Variants in MACROD2 observed in about 807,000 individuals in gnomAD.
MACROD2 encodes the protein mono-ADP ribosylhydrolase 2, also known as ADP-ribose glycohydrolase MACROD2.
MACROD2 carries 36 observed loss-of-function variants against 70.4 expected under a neutral mutation model. The ratio of observed to expected loss-of-function variants is 0.51; its 90% confidence interval spans 0.39 to 0.68. MACROD2 has a LOEUF of 0.68. MACROD2 is among the 30% of genes least tolerant of loss of function. MACROD2 has a pLI of 0.00. For missense variants in MACROD2, 496 were observed against 538.4 expected, an observed-to-expected ratio of 0.92 and a Z score of 0.78; for synonymous variants, 172 against 178.8, an observed-to-expected ratio of 0.96 and a Z score of 0.30.
chr20:15,555,828 C>CAAAAAAAAAAAAAAAAAAAAA (rs397838341), intron 8 of MACROD2, among the ~76,000 whole-genome samples: 1 of 18,564 alleles, frequency 5.4e-5, no homozygotes, highest in African/African-American at 1.7e-4. Context: ...GACTCCATCT[C>CAAAAAAAAAAAAAAAAAAAAA]AAAAAAAAAA....
intron 10 of MACROD2, among the ~76,000 whole-genome samples, chr20:15,895,646 G>A (rs1341732557): frequency 2.6e-5 from 4 of 152,160 alleles, no homozygotes; most frequent in African/African-American, 4.8e-5. Context: ...GCCTGGTGGC[G>A]GCAGCCTGGG....
chr20:15,923,374 A>G (rs1165039148), intron 10 of MACROD2, among the ~76,000 whole-genome samples: 2 of 152,178 alleles, frequency 1.3e-5, no homozygotes, highest in African/African-American at 2.4e-5. Context: ...CTTATTCACT[A>G]TCATGAGAAT....
chr20:15,467,491 C>T (rs765458335), intron 7 of MACROD2, among the ~76,000 whole-genome samples: 1 of 152,202 alleles, frequency 6.6e-6, no homozygotes, highest in African/African-American at 2.4e-5. Context: ...ATTGCACTCC[C>T]CGTTTTACAG....
At chr20:15,004,065 C>G (rs941519419) in intron 5 of MACROD2, among the ~76,000 whole-genome samples, 1 of 152,046 alleles carries the variant, frequency 6.6e-6, no homozygotes, top group African/African-American at 2.4e-5. Context: ...CTGGCCAACA[C>G]CACCCCTTCC....
intron 8 of MACROD2, among the ~76,000 whole-genome samples, chr20:15,784,688 G>A (rs914004074): frequency 3.9e-5 from 6 of 152,148 alleles, no homozygotes; most frequent in African/African-American, 1.4e-4. Flanking sequence ...TGGAGAAATA[G>A]ATGAGTGGAT....
At chr20:14,560,245 A>T (rs1308334049) in intron 4 of MACROD2, among the ~76,000 whole-genome samples, 7 of 151,732 alleles carry the variant, frequency 4.6e-5, no homozygotes, top group Non-Finnish European at 8.8e-5. Flanking sequence ...TGCAGCTGCT[A>T]GGCAGAAAGA....
chr20:15,469,886 C>A (rs942107047), intron 7 of MACROD2, among the ~76,000 whole-genome samples: 12 of 152,040 alleles, frequency 7.9e-5, no homozygotes, highest in Non-Finnish European at 1.6e-4. Flanking sequence ...GATATGAGGT[C>A]TCTTTATTTC....
intron 6 of MACROD2, among the ~76,000 whole-genome samples, chr20:15,428,650 A>C (rs1200288344): frequency 6.6e-6 from 1 of 152,168 alleles, no homozygotes; most frequent in Non-Finnish European, 1.5e-5. Context: ...TCACATCTTC[A>C]TAATCTACTA....
At chr20:14,493,685 T>C (rs1416651309) in intron 4 of MACROD2, 177 bp downstream of exon 4, 2 of 534,618 alleles carry the variant, frequency 3.7e-6, no homozygotes, top group Non-Finnish European at 6.7e-6. Context: ...TGCTTAAATG[T>C]TATTTTAATT....
chr20:16,024,022 G>A (rs1361504363), intron 15 of MACROD2, among the ~76,000 whole-genome samples: 2 of 152,188 alleles, frequency 1.3e-5, no homozygotes, highest in South Asian at 4.1e-4. Flanking sequence ...GGAGCTCAGA[G>A]GTGGGCTGGG....
chr20:15,836,826 A>T (rs1398942391), intron 8 of MACROD2, among the ~76,000 whole-genome samples: 1 of 152,168 alleles, frequency 6.6e-6, no homozygotes, highest in Non-Finnish European at 1.5e-5. Flanking sequence ...AGGAAGCAAT[A>T]TGGGTCTAAT....
chr20:15,087,405 C>A (rs2075756837), intron 5 of MACROD2, among the ~76,000 whole-genome samples: 1 of 151,954 alleles, frequency 6.6e-6, no homozygotes, highest in Admixed American at 6.6e-5. Flanking sequence ...CAGGCATAGA[C>A]CCAAGTTTGC....
intron 13 of MACROD2, among the ~76,000 whole-genome samples, chr20:15,985,173 T>G (rs1162303341): frequency 6.6e-6 from 1 of 152,158 alleles, no homozygotes; most frequent in Non-Finnish European, 1.5e-5. Flanking sequence ...TAGTTCCTAG[T>G]AGGGTGGGCT....
intron 6 of MACROD2, among the ~76,000 whole-genome samples, chr20:15,230,981 G>C (rs1003177228): frequency 7.2e-5 from 11 of 152,096 alleles, no homozygotes; most frequent in African/African-American, 2.4e-5. Context: ...GAATAGATCA[G>C]CATTGCTTGA....
chr20:14,181,144 G>A (rs2327817), intron 3 of MACROD2, among the ~76,000 whole-genome samples: 150,527 of 151,480 alleles, frequency 0.99, 74,796 homozygotes, highest in East Asian at 1. Context: ...TCTTGGCTCA[G>A]TGCAGCCCTG....
rs557260038 is a variant in MACROD2, at chr20:14,911,596, C to T, written c.418+226637C>T. ...GTCTCACTATGATGCCCAGGCTGGT[C>T]TCTTGGCTGCAAGTGATCCTTCTAC... is the stretch of plus-strand genomic sequence containing the variant. On this transcript the variant is annotated intron_variant, in intron 5 of 17. Coordinates refer to ENST00000684519, the MANE Select transcript of MACROD2 (RefSeq NM_001351661.2). Among the ~76,000 whole-genome samples, 12 of 152,116 alleles carry T rather than the reference C, an allele frequency of 7.9e-5. 1 individual carries two copies. Among genetic ancestry groups the T allele is most frequent in the African/African-American group, 2.4e-4 (10 of 41,512 alleles).
chr20:15,122,954 G>A (rs10485517), intron 5 of MACROD2, among the ~76,000 whole-genome samples: 44,350 of 152,078 alleles, frequency 0.29, 7,865 homozygotes, highest in Non-Finnish European at 0.41. Flanking sequence ...GTGTGAGTAG[G>A]TAATATCATG....
chr20:14,952,659 A>T (rs1394779679), intron 5 of MACROD2, among the ~76,000 whole-genome samples: 2 of 151,934 alleles, frequency 1.3e-5, no homozygotes, highest in Non-Finnish European at 2.9e-5. Context: ...GTTGTACAGT[A>T]TTTGTGATAT....
chr20:15,131,226 G>C lies in MACROD2; in HGVS notation c.419-98714G>C, dbSNP rs184196527. ...AGGCAAATTAAGAAAATAAAATGTA[G>C]GGAATCAATGAAGAACTAAATCTGT... On this transcript the variant is annotated intron_variant, in intron 5 of 17. Transcript: ENST00000684519. Among the ~76,000 whole-genome samples, 311 of 152,154 alleles carry C rather than the reference G, an allele frequency of 2.0e-3. 3 individuals are homozygous for C. The highest frequency in any genetic ancestry group is 6.8e-3 in the African/African-American group (284 of 41,538).
Sources: allele counts gnomAD v4.1 joint callset (sites outside exome capture counted in the v4.1 genomes callset), GRCh38; gene constraint gnomAD v4.1.1; transcripts MANE v1.5; gene names NCBI Gene and HGNC (gene_info 2026-07-23, HGNC 2026-07-21).